The following SRP54 variants were observed in gnomAD, a reference collection of about 807,000 sequenced individuals.
SRP54 encodes signal recognition particle subunit SRP54.
In SRP54, 10 loss-of-function variants were observed where a neutral mutation model predicts 64.8. The observed-to-expected ratio is 0.15, with a 90% CI of 0.10 to 0.26. The LOEUF is 0.26. SRP54 is among the 10% of genes least tolerant of loss of function. SRP54 has a pLI of 1.00. For missense variants in SRP54, 325 were observed against 613.7 expected, an observed-to-expected ratio of 0.53 and a Z score of 4.97; for synonymous variants, 193 against 185.6, an observed-to-expected ratio of 1.04 and a Z score of -0.32.
At chr14:35,022,510 C>A (rs1198210104) in intron 13 of SRP54, among the ~76,000 whole-genome samples, 1 of 152,030 alleles carries the variant, frequency 6.6e-6, no homozygotes, top group East Asian at 1.9e-4. Context: ...GCACATGCCA[C>A]CATGCCCAGC....
intron 2 of SRP54, chr14:34,996,996 C>A: frequency 2.5e-6 from 1 of 393,410 alleles, no homozygotes; most frequent in Non-Finnish European, 4.5e-6. Context: ...AAAGAATTTT[C>A]CAAAAAAAAA....
rs759181554 is a variant in SRP54 at position 35,013,354 on chromosome 14, T to A, written c.645T>A (p.Asp215Glu). The A allele has an allele frequency of 6.2e-7, 1 of 1,613,236 alleles. No homozygotes were observed. Among genetic ancestry groups the A allele is most frequent in the Non-Finnish European group, 8.5e-7 (1 of 1,179,768 alleles). The change falls in exon 9 of 16, where the codon GAT becomes GAA. Residue 215 changes from aspartate to glutamate, a missense_variant. This residue lies in a region of SRP54 where 156 missense variants were observed against 254.6 expected (regional missense o/e 0.61). Transcript: ENST00000216774. ...MLQVANAIQPDNIVYVMDASI... is the reference protein window; with the variant it reads ...MLQVANAIQPENIVYVMDASI... ...CTATTTAAACTTTCTAGCAACCTGA[T>A]AACATTGTTTATGTGATGGATGCCT...
rs544999264 is a variant in SRP54 at position 35,004,678 on chromosome 14, A to ATG, written c.256-2603_256-2602dup. The ATG allele has an allele frequency of 1.4e-4, 22 of 152,332 alleles. No homozygotes were observed. The East Asian group carries it at 3.7e-3, about 25-fold the overall frequency. The allele number at this position is 152,332 out of a possible 1,614,324, so 9.4% of individuals were successfully genotyped here. On this transcript the variant is annotated intron_variant, in intron 4 of 15. Transcript: ENST00000216774. Reference sequence around the variant, plus strand: ...TATAAAATTATTTACTAAAACATATATGTTCCAAATAATGGGTCCATAGAG... The same window carrying ATG: ...TATAAAATTATTTACTAAAACATATATGTGTTCCAAATAATGGGTCCATAGAG...
intron 7 of SRP54, among the ~76,000 whole-genome samples, chr14:35,009,298 A>G (rs1479869386): frequency 7.4e-6 from 1 of 134,340 alleles, no homozygotes; most frequent in Non-Finnish European, 1.7e-5. Flanking sequence ...CTCCCACCTC[A>G]GCCTCCCGAA....
At chr14:34,984,203 C>G (rs1479212856) in intron 1 of SRP54, among the ~76,000 whole-genome samples, 1 of 152,206 alleles carries the variant, frequency 6.6e-6, no homozygotes, top group Non-Finnish European at 1.5e-5. Context: ...CAGATTACTC[C>G]TCTGTCCCCA....
At chr14:35,013,768 T>C (rs1490258251) in intron 9 of SRP54, 34 bp from the exon 10 acceptor site, 1 of 1,561,956 alleles carries the variant, frequency 6.4e-7, no homozygotes, top group African/African-American at 1.4e-5. Flanking sequence ...TGGGGTTCTT[T>C]TGAGGTTATT....
At chr14:34,983,991 C>T (rs900937010) in intron 1 of SRP54, among the ~76,000 whole-genome samples, 2 of 152,118 alleles carry the variant, frequency 1.3e-5, no homozygotes, top group African/African-American at 4.8e-5. Flanking sequence ...TCCTCATCTA[C>T]TTAATAGGCT....
chr14:34,998,996 TG>T (rs1566645511), intron 2 of SRP54, among the ~76,000 whole-genome samples: 2,465 of 95,822 alleles, frequency 0.026, 418 homozygotes, highest in East Asian at 0.087. Context: ...TGTGTGTGTG[TG>T]TGTGTGTGTG....
At chr14:35,000,576 G>A (rs202245985) in intron 3 of SRP54, among the ~76,000 whole-genome samples, 3 of 146,378 alleles carry the variant, frequency 2.0e-5, no homozygotes, top group Non-Finnish European at 3.0e-5. Context: ...AAAAAAAAAA[G>A]AAAAAAGAAA....
At chr14:34,997,874 A>G (rs899071788) in intron 2 of SRP54, among the ~76,000 whole-genome samples, 2 of 152,178 alleles carry the variant, frequency 1.3e-5, no homozygotes, top group East Asian at 1.9e-4. Flanking sequence ...TGTAATTCCA[A>G]ATATATAAAA....
chr14:34,997,656 T>C (rs2138976964), intron 2 of SRP54, among the ~76,000 whole-genome samples: 1 of 152,348 alleles, frequency 6.6e-6, no homozygotes, highest in Middle Eastern at 3.4e-3. Context: ...TTGATCTCAA[T>C]ACTAAGCTAA....
intron 7 of SRP54, 52 bp downstream of exon 7, chr14:35,008,883 G>GTTT: frequency 2.4e-6 from 2 of 847,324 alleles, no homozygotes; most frequent in South Asian, 2.1e-5. Flanking sequence ...TTGTCTGTCA[G>GTTT]CTTTTTTTTT....
At chr14:34,999,763 GA>G in intron 3 of SRP54, 114 bp downstream of exon 3, 1 of 707,252 alleles carries the variant, frequency 1.4e-6, no homozygotes, top group Non-Finnish European at 2.5e-6. Flanking sequence ...TGCACCACTG[GA>G]AAAGTGCTGT....
intron 2 of SRP54, among the ~76,000 whole-genome samples, chr14:34,997,984 A>G (rs529520228): frequency 6.6e-6 from 1 of 152,252 alleles, no homozygotes; most frequent in East Asian, 1.9e-4. Context: ...GGTGGGAGGT[A>G]GAGTAACAGC....
intron 11 of SRP54, among the ~76,000 whole-genome samples, chr14:35,016,374 A>C (rs1355143733): frequency 1.3e-5 from 2 of 152,184 alleles, no homozygotes; most frequent in Non-Finnish European, 2.9e-5. Context: ...GTTGTGTTTT[A>C]GCATTGTTGT....
intron 1 of SRP54, among the ~76,000 whole-genome samples, chr14:34,994,932 C>CTT (rs59058538): frequency 3.6e-5 from 3 of 84,474 alleles, no homozygotes; most frequent in South Asian, 4.6e-4. Flanking sequence ...TGCCTGGCTA[C>CTT]TTTTTTTTTT....
At chr14:35,006,080 C>G (rs887570375) in intron 4 of SRP54, among the ~76,000 whole-genome samples, 4 of 151,976 alleles carry the variant, frequency 2.6e-5, no homozygotes, top group Non-Finnish European at 5.9e-5. Flanking sequence ...ACCTTGTGAT[C>G]CACCTGCCTC....
At chr14:35,025,021 C>G (rs542217357) in intron 14 of SRP54, among the ~76,000 whole-genome samples, 1 of 152,200 alleles carries the variant, frequency 6.6e-6, no homozygotes, top group Admixed American at 6.5e-5. Context: ...GCATGAGCCA[C>G]AACACCTGGC....
At chr14:34,992,478 T>C (rs2043996405) in intron 1 of SRP54, among the ~76,000 whole-genome samples, 1 of 152,204 alleles carries the variant, frequency 6.6e-6, no homozygotes, top group Non-Finnish European at 1.5e-5. Flanking sequence ...AATGAAATCA[T>C]GTCCTTTGCA....
Sources: allele counts gnomAD v4.1 joint callset (sites outside exome capture counted in the v4.1 genomes callset), GRCh38; gene constraint gnomAD v4.1.1; regional missense constraint gnomAD v4.1.1; transcripts MANE v1.5; gene names NCBI Gene and HGNC (gene_info 2026-07-23, HGNC 2026-07-21).